The following HELZ2 variants were observed in gnomAD, a reference collection of about 807,000 sequenced individuals.
HELZ2 encodes 3'-5' exoribonuclease HELZ2.
A neutral mutation model predicts 208.8 loss-of-function variants in HELZ2; 143 were observed. The observed-to-expected ratio is 0.68, with a 90% CI of 0.60 to 0.79. The LOEUF is 0.79. Ranked by LOEUF, HELZ2 falls within the 30% of genes least tolerant of loss-of-function variation. The pLI is 0.00. For synonymous variants in HELZ2, 1,705 were observed against 1,693.7 expected (o/e 1.01, Z -0.16); for missense variants, 3,690 against 3,794.5 (o/e 0.97, Z 0.72).
exon 8 of HELZ2, chr20:63,563,342 A>G (rs1372158512): frequency 9.7e-6 from 15 of 1,538,744 alleles, no homozygotes; most frequent in Non-Finnish European, 1.3e-5. Context: ...CTGCTTCCAC[A>G]GGGCCGTCTC....
intron 2 of HELZ2, 36 bp from the exon 4 acceptor site, chr20:63,570,647 A>AGGGCCCCCC: frequency 1.3e-6 from 2 of 1,497,372 alleles, no homozygotes; most frequent in Non-Finnish European, 1.8e-6. Flanking sequence ...AGAGGCCTGG[A>AGGGCCCCCC]CCCCACCCCA....
chr20:63,569,093 C>G (rs2082993133), intron 4 of HELZ2, 55 bp downstream of exon 5: 1 of 1,583,460 alleles, frequency 6.3e-7, no homozygotes, highest in Non-Finnish European at 8.6e-7. Context: ...CCCAGCCGCT[C>G]CCATTGCCCC....
chr20:63,566,908 G>T (rs771964830), exon 6 of HELZ2: 1 of 1,609,380 alleles, frequency 6.2e-7, no homozygotes. Context: ...GCTGGGCCAG[G>T]TGTTGTAGGC....
upstream of HELZ2, chr20:63,572,626 G>C: frequency 2.0e-6 from 1 of 512,290 alleles, no homozygotes; most frequent in Non-Finnish European, 3.4e-6. Context: ...AGCGCCTGAA[G>C]CAGAGGGAGC....
exon 6 of HELZ2, chr20:63,566,933 C>G: frequency 1.2e-6 from 2 of 1,610,516 alleles, no homozygotes; most frequent in Non-Finnish European, 8.5e-7. Flanking sequence ...TGCACCTTCT[C>G]GACGACCTGC....
chr20:63,563,022 G>T (rs758469089), exon 8 of HELZ2: 2 of 1,600,444 alleles, frequency 1.2e-6, no homozygotes, highest in Non-Finnish European at 1.7e-6. Flanking sequence ...TCGCGGTACC[G>T]GTCCCTCGGG....
exon 8 of HELZ2, chr20:63,563,506 G>C: frequency 6.6e-7 from 1 of 1,514,248 alleles, no homozygotes; most frequent in Middle Eastern, 1.7e-4. Flanking sequence ...GGGAGCCGTA[G>C]GGGACGGGGC....
exon 8 of HELZ2, chr20:63,563,740 C>T (rs769328931): frequency 1.4e-5 from 23 of 1,599,580 alleles, no homozygotes; most frequent in South Asian, 8.9e-5. Context: ...AGGCAGAGCC[C>T]CCATGGCCCA....
chr20:63,559,166 T>C (rs1169068404), downstream of HELZ2: 23 of 1,151,604 alleles, frequency 2.0e-5, no homozygotes, highest in Admixed American at 5.1e-5. Flanking sequence ...GGCAGGCTGA[T>C]GGCGGAGGGT....
chr20:63,565,066 A>G (rs745495401), exon 8 of HELZ2: 1 of 1,563,656 alleles, frequency 6.4e-7, no homozygotes, highest in Non-Finnish European at 8.7e-7. Context: ...TGAGCCTCTC[A>G]AGCCCCACAC....
At position 63,560,716 on chromosome 20, in the gene HELZ2, G is replaced by A. The variant is rs200847088; in HGVS notation, c.7282-19C>T. Reference sequence around the variant, plus strand: ...CCTCATGCTGCAGGCAAGGATGTGCGCTGGTCAGAGGCTGCCACGCGGGGT... The same window carrying A: ...CCTCATGCTGCAGGCAAGGATGTGCACTGGTCAGAGGCTGCCACGCGGGGT... On this transcript the variant is annotated intron_variant, in intron 15 of 18. Coordinates refer to ENST00000467148, the Ensembl canonical transcript of HELZ2. 43 of 1,606,244 alleles carry A rather than the reference G, an allele frequency of 2.7e-5. No homozygotes were observed. Among genetic ancestry groups the A allele is most frequent in the African/African-American group, 1.5e-4 (11 of 74,956 alleles).
At chr20:63,564,282 C>A (rs747764389) in exon 8 of HELZ2, 1 of 1,609,382 alleles carries the variant, frequency 6.2e-7, no homozygotes, top group Non-Finnish European at 8.5e-7. Flanking sequence ...CCCAGGGTGC[C>A]GTCCTCGTCC....
exon 6 of HELZ2, chr20:63,566,954 C>A: frequency 1.2e-6 from 2 of 1,611,098 alleles, no homozygotes; most frequent in Non-Finnish European, 1.7e-6. Flanking sequence ...GCAATCTCAG[C>A]CAGATTCAGC....
At position 63,559,607 on chromosome 20, in the gene HELZ2, G is replaced by A. The variant is rs1199132508; in HGVS notation, c.7826-237C>T. ...GTCAGGGTCAGGTGGGAGGAGTCAG[G>A]GTCAGATGGGAGTCAGTCAGAGTCA... On this transcript the variant is annotated intron_variant, in intron 18 of 18. Transcript: ENST00000467148. 6.5e-5 allele frequency among the ~76,000 whole-genome samples: 5 copies of A among 76,732 alleles called. 1 individual carries two copies. The highest frequency in any genetic ancestry group is 1.2e-4 in the Non-Finnish European group (4 of 33,046). 50.3% of individuals were successfully genotyped at this position (76,732 alleles called of 152,430 possible). A position where few individuals can be genotyped will look rare whatever the true frequency, so the allele number is the denominator to read the frequency against.
chr20:63,565,394 G>GGA lies in HELZ2; in HGVS notation c.3427_3428insTC (p.Ser1143PhefsTer54). 6.2e-7 allele frequency: 1 copy of GGA among 1,609,994 alleles called. No homozygotes were observed. The highest frequency in any genetic ancestry group is 8.5e-7 in the Non-Finnish European group (1 of 1,179,104). ...GGAGGCATCGTCCAGCGGGATGGCT[G>GGA]ACGCCCGCTCGAAGGTCTCTGGCAC... On this transcript the variant is annotated frameshift_variant, in exon 8 of 19. Transcript: ENST00000467148. LOFTEE classifies it high-confidence loss of function.
Position 63,567,503 on chromosome 20 carries a change from G to T in HELZ2, c.1855C>A (p.Gln619Lys), listed in dbSNP as rs776973078. The change falls in exon 6 of 19, where the codon CAG becomes AAG. Residue 619 changes from glutamine to lysine, a missense_variant. Physicochemically the swap from Gln to Lys is moderately conservative, Grantham distance 53. Coordinates refer to ENST00000467148, the Ensembl canonical transcript of HELZ2. ...CGGTCGTCGGTCAGGCAACAGTACTGCAGCGTGACTGGGTCCGTCTGGCTC... is the reference window on the plus strand; with the variant it reads ...CGGTCGTCGGTCAGGCAACAGTACTTCAGCGTGACTGGGTCCGTCTGGCTC... The T allele has an allele frequency of 1.9e-6, 3 of 1,558,374 alleles. No homozygotes were observed. The Admixed American group carries it at 5.8e-5, about 30-fold the overall frequency.
intron 17 of HELZ2, 23 bp from the exon 19 acceptor site, chr20:63,560,118 C>G (rs1428995055): frequency 6.4e-7 from 1 of 1,564,002 alleles, no homozygotes. Flanking sequence ...AGGTGAGGCC[C>G]TGCTGCCGCT....
chr20:63,572,737 T>G, upstream of HELZ2: 1 of 269,210 alleles, frequency 3.7e-6, no homozygotes, highest in Non-Finnish European at 7.1e-6. Flanking sequence ...CCTTCAGCCA[T>G]AGGCGCTGGA....
At chr20:63,564,733 A>G (rs771187356) in exon 8 of HELZ2, 1 of 1,610,654 alleles carries the variant, frequency 6.2e-7, no homozygotes, top group South Asian at 1.1e-5. Flanking sequence ...CGCACCTGGG[A>G]CCCAGGTCTC....
Sources: allele counts gnomAD v4.1 joint callset (sites outside exome capture counted in the v4.1 genomes callset), GRCh38; gene constraint gnomAD v4.1.1; transcripts MANE v1.5; gene names NCBI Gene and HGNC (gene_info 2026-07-23, HGNC 2026-07-21).